The following PDE7A variants were observed in gnomAD, a reference collection of about 807,000 sequenced individuals.
The protein encoded by PDE7A is phosphodiesterase 7A.
In PDE7A, 39 loss-of-function variants were observed where a neutral mutation model predicts 64.3. That is an observed-to-expected ratio of 0.61 (90% CI 0.47 to 0.79). PDE7A has a LOEUF of 0.79. Among genes scored for constraint, PDE7A ranks in the 30% least tolerant of loss-of-function variants. The probability of loss-of-function intolerance (pLI) is 0.00; values close to 1 mark genes in which losing one functional copy is unlikely to be tolerated. For missense variants in PDE7A, 470 were observed against 582.8 expected, an observed-to-expected ratio of 0.81 and a Z score of 1.99; for synonymous variants, 203 against 206.8, an observed-to-expected ratio of 0.98 and a Z score of 0.16.
intron 6 of PDE7A, among the ~76,000 whole-genome samples, chr8:65,735,246 C>G (rs752839314): frequency 6.6e-6 from 1 of 152,156 alleles, no homozygotes; most frequent in Non-Finnish European, 1.5e-5. Flanking sequence ...GTGAGCGGGA[C>G]AGACCATCAG....
At chr8:65,731,200 T>C (rs1806872913) in intron 7 of PDE7A, among the ~76,000 whole-genome samples, 1 of 152,194 alleles carries the variant, frequency 6.6e-6, no homozygotes, top group African/African-American at 2.4e-5. Context: ...CTTACTCATA[T>C]TTTTGTCACT....
chr8:65,734,248 C>T (rs990244605), intron 7 of PDE7A, among the ~76,000 whole-genome samples: 7 of 152,156 alleles, frequency 4.6e-5, no homozygotes, highest in Admixed American at 1.3e-4. Context: ...ACTTCTGTTT[C>T]TTTCCCCGAA....
intron 1 of PDE7A, among the ~76,000 whole-genome samples, chr8:65,830,394 C>T (rs911680676): frequency 1.3e-5 from 2 of 152,148 alleles, no homozygotes; most frequent in Non-Finnish European, 1.5e-5. Flanking sequence ...TTTATGCATA[C>T]AACCTAGAAG....
intron 1 of PDE7A, among the ~76,000 whole-genome samples, chr8:65,830,475 A>G (rs890948992): frequency 6.6e-6 from 1 of 152,114 alleles, no homozygotes; most frequent in African/African-American, 2.4e-5. Context: ...AGGTTTCTCA[A>G]CACTTTCAAA....
intron 9 of PDE7A, among the ~76,000 whole-genome samples, chr8:65,726,064 A>C (rs1220809439): frequency 2.0e-5 from 3 of 152,224 alleles, no homozygotes; most frequent in Non-Finnish European, 2.9e-5. Context: ...GTTGTTTTAA[A>C]TTATGAAAGG....
At chr8:65,804,396 A>T (rs536394474) in intron 1 of PDE7A, among the ~76,000 whole-genome samples, 11 of 152,160 alleles carry the variant, frequency 7.2e-5, no homozygotes, top group Non-Finnish European at 1.3e-4. Context: ...TGTCAACTTT[A>T]ACATCTCTAA....
At chr8:65,808,161 A>G (rs925976650) in intron 1 of PDE7A, among the ~76,000 whole-genome samples, 2 of 152,216 alleles carry the variant, frequency 1.3e-5, no homozygotes, top group Non-Finnish European at 2.9e-5. Flanking sequence ...GAATAGGAAC[A>G]TTCAGTGCTA....
intron 3 of PDE7A, among the ~76,000 whole-genome samples, chr8:65,778,065 T>C (rs943521770): frequency 6.6e-6 from 1 of 152,210 alleles, no homozygotes; most frequent in Admixed American, 6.5e-5. Flanking sequence ...AGATTACAGA[T>C]GGGAGATTAA....
At chr8:65,753,584 T>C (rs1409282769) in intron 3 of PDE7A, among the ~76,000 whole-genome samples, 1 of 145,788 alleles carries the variant, frequency 6.9e-6, no homozygotes, top group Non-Finnish European at 1.5e-5. Flanking sequence ...GTCTATTCAA[T>C]GTGCACTCGA....
intron 3 of PDE7A, chr8:65,770,946 GA>G: frequency 4.2e-6 from 1 of 240,484 alleles, no homozygotes; most frequent in South Asian, 4.3e-5. Context: ...TACCCTTTCA[GA>G]AAAGACTCGT....
chr8:65,730,980 A>C (rs1806860835), intron 7 of PDE7A, among the ~76,000 whole-genome samples: 1 of 152,192 alleles, frequency 6.6e-6, no homozygotes, highest in South Asian at 2.1e-4. Context: ...GAGTAAACCC[A>C]GCCAATGATA....
intron 1 of PDE7A, among the ~76,000 whole-genome samples, chr8:65,794,990 G>A (rs1279010543): frequency 6.6e-6 from 1 of 152,142 alleles, no homozygotes; most frequent in Non-Finnish European, 1.5e-5. Context: ...ACAGGCAGTG[G>A]GGAAAAGAGC....
At chr8:65,828,717 T>G (rs1810739104) in intron 1 of PDE7A, among the ~76,000 whole-genome samples, 1 of 152,128 alleles carries the variant, frequency 6.6e-6, no homozygotes, top group Non-Finnish European at 1.5e-5. Context: ...ACATATAAGA[T>G]TACTCATTTT....
chr8:65,840,973 T>C (rs942568896), intron 1 of PDE7A, among the ~76,000 whole-genome samples: 1 of 151,920 alleles, frequency 6.6e-6, no homozygotes, highest in Non-Finnish European at 1.5e-5. Context: ...CGTACAGTTG[T>C]GTGTATGGGA....
Position 65,724,876 on chromosome 8 carries a change from G to A in PDE7A, c.966C>T (p.Asp322=). 1 of 1,610,188 alleles carries A rather than the reference G, an allele frequency of 6.2e-7. No homozygotes were observed. Among genetic ancestry groups the A allele is most frequent in the South Asian group, 1.1e-5 (1 of 90,862 alleles). The change falls in exon 10 of 13, where the codon GAC becomes GAT. Residue 322 remains aspartate (D), a synonymous_variant. Coordinates refer to ENST00000401827, the MANE Select transcript of PDE7A (RefSeq NM_001242318.3). ...TQIGALILAT[D]ISRQNEYLSL... ...ACAGATACTCATTCTGGCGACTGAT[G>A]TCTGTGGCTAGTATCAGAGCACCTA...
At chr8:65,729,364 C>CTTTTTTTTTTTT (rs10540107) in intron 7 of PDE7A, among the ~76,000 whole-genome samples, 1 of 80,076 alleles carries the variant, frequency 1.2e-5, no homozygotes, top group Non-Finnish European at 2.3e-5. Flanking sequence ...TTGGTGGTAG[C>CTTTTTTTTTTTT]TTTTTTTTTT....
intron 1 of PDE7A, among the ~76,000 whole-genome samples, chr8:65,814,384 G>A (rs188839385): frequency 1.3e-5 from 2 of 149,502 alleles, no homozygotes; most frequent in Non-Finnish European, 3.0e-5. Context: ...AGTGGCGGGC[G>A]CCTGTAGTCC....
chr8:65,732,649 G>A (rs1174426633), intron 7 of PDE7A, among the ~76,000 whole-genome samples: 1 of 152,106 alleles, frequency 6.6e-6, no homozygotes, highest in Non-Finnish European at 1.5e-5. Flanking sequence ...AAGTAGCTGG[G>A]ACCACAGGTA....
In PDE7A at chr8:65,841,407, A is replaced by G. The variant is rs1445079309; in HGVS notation, c.102T>C (p.Ala34=). The G allele has an allele frequency of 6.4e-7, 1 of 1,565,060 alleles. No homozygotes were observed. Among genetic ancestry groups the G allele is most frequent in the South Asian group, 1.2e-5 (1 of 86,166 alleles). Residue 34 remains alanine, a synonymous_variant, in exon 1 of 13, where the codon GCT becomes GCC. Transcript: ENST00000401827. ...GCCGGGGATTGGGGCAGCCGAAGAG[A>G]GCGGAGCTGGAGCTGAAGCTGATGG... ...RGAISFSSSS[A]LFGCPNPRQL... is the part of the protein sequence containing the mutation.
Sources: gnomAD v4.1 joint callset for allele counts (sites outside exome capture counted in the v4.1 genomes callset) on GRCh38, gnomAD v4.1.1 for gene constraint, MANE v1.5 for transcripts, NCBI Gene and HGNC (gene_info 2026-07-23, HGNC 2026-07-21) for gene names.